Variants in DECR1 observed in about 807,000 individuals in gnomAD.
DECR1 encodes 2,4-dienoyl-CoA reductase [(3E)-enoyl-CoA-producing], mitochondrial.
In DECR1, 44 loss-of-function variants were observed where a neutral mutation model predicts 38.8. The observed-to-expected ratio is 1.13, with a 90% CI of 0.89 to 1.46. The LOEUF is 1.46. Among genes scored for constraint, DECR1 ranks in the 40% most tolerant of loss-of-function variants. The pLI, the probability that DECR1 is intolerant of heterozygous loss-of-function variation, is 0.00. For synonymous variants in DECR1, 148 were observed against 135.2 expected (o/e 1.09, Z -0.66); for missense variants, 428 against 405.5 (o/e 1.06, Z -0.48).
chr8:90,029,917 C>T (rs1813453452), intron 5 of DECR1, among the ~76,000 whole-genome samples: 2 of 152,090 alleles, frequency 1.3e-5, no homozygotes, highest in Non-Finnish European at 2.9e-5. Context: ...CTAGTCCACT[C>T]CTCACTGAAG....
chr8:90,041,666 A>T (rs1054756682), intron 6 of DECR1, among the ~76,000 whole-genome samples: 2 of 152,120 alleles, frequency 1.3e-5, no homozygotes, highest in East Asian at 3.9e-4. Context: ...CTTTATGGGT[A>T]CTGTGGATTG....
At chr8:90,051,596 A>G (rs1814095001) in intron 8 of DECR1, 81 bp from the exon 9 acceptor site, 10 of 1,088,312 alleles carry the variant, frequency 9.2e-6, no homozygotes, top group Middle Eastern at 2.9e-4. Flanking sequence ...ATTCCATCCA[A>G]TTAGTATGGG....
intron 1 of DECR1, among the ~76,000 whole-genome samples, chr8:90,004,179 C>T (rs1167088135): frequency 2.6e-5 from 4 of 151,386 alleles, no homozygotes; most frequent in Non-Finnish European, 4.4e-5. Context: ...AAAAATTAGC[C>T]GGGCGTGGTG....
At position 90,017,388 on chromosome 8, in the gene DECR1, A is replaced by G. The variant is rs1326354399; in HGVS notation, c.272+62A>G. The G allele has an allele frequency of 3.8e-6, 5 of 1,322,140 alleles. No homozygotes were observed. The East Asian group carries it at 9.4e-5, about 25-fold the overall frequency. 81.9% of individuals were successfully genotyped at this position (1,322,140 alleles called of 1,614,324 possible). A position where few individuals can be genotyped will look rare whatever the true frequency, so the allele number is the denominator to read the frequency against. On this transcript the variant is annotated intron_variant, in intron 2 of 9. Transcript: ENST00000220764. ...TGAAGAAACTGTTCTGTGCCATAGT[A>G]TTGAAAACACTGTTCGCCAGAGTTG... is the stretch of plus-strand genomic sequence containing the variant.
At chr8:90,011,582 C>T (rs112233595) in intron 1 of DECR1, among the ~76,000 whole-genome samples, 2,026 of 152,250 alleles carry the variant, frequency 0.013, 45 homozygotes, top group African/African-American at 0.046. Flanking sequence ...AGTCCATGAA[C>T]ATATAATGTC....
At chr8:90,026,417 T>C (rs931259807) in intron 5 of DECR1, among the ~76,000 whole-genome samples, 1 of 152,206 alleles carries the variant, frequency 6.6e-6, no homozygotes. Flanking sequence ...TATTGGTATA[T>C]TCAGGGATTC....
intron 5 of DECR1, among the ~76,000 whole-genome samples, chr8:90,022,544 G>T (rs779956396): frequency 6.6e-6 from 1 of 151,972 alleles, no homozygotes; most frequent in Non-Finnish European, 1.5e-5. Flanking sequence ...GAGTGGGAAG[G>T]GGGGACAGGG....
At position 90,019,117 on chromosome 8, in the gene DECR1, C is replaced by G; in HGVS notation, c.362C>G (p.Pro121Arg). ...VHAIQCDVRD[P>R]DMVQNTVSEL... ...GCAATTCAGTGTGATGTGAGGGATCCTGATATGGTTCAAAACACTGTGTCA... is the reference window on the plus strand; with the variant it reads ...GCAATTCAGTGTGATGTGAGGGATCGTGATATGGTTCAAAACACTGTGTCA... Residue 121 changes from proline (P) to arginine (R), a missense_variant, in exon 4 of 10, where the codon CCT becomes CGT. Pro to Arg is a moderately radical substitution (Grantham distance 103, BLOSUM62 -2). Coordinates refer to ENST00000220764, the MANE Select transcript of DECR1 (RefSeq NM_001359.2). 4.3e-6 allele frequency: 7 copies of G among 1,614,090 alleles called. No individual in the cohort carries two copies. Among genetic ancestry groups the G allele is most frequent in the Non-Finnish European group, 5.9e-6 (7 of 1,180,002 alleles).
At chr8:90,047,014 C>G in intron 8 of DECR1, among the ~76,000 whole-genome samples, 1 of 152,146 alleles carries the variant, frequency 6.6e-6, no homozygotes. Flanking sequence ...GCCTGCCTTA[C>G]AAGAACTCCT....
At chr8:90,005,847 T>A (rs1031260019) in intron 1 of DECR1, 7 of 304,580 alleles carry the variant, frequency 2.3e-5, no homozygotes, top group Non-Finnish European at 3.8e-5. Flanking sequence ...TGGCAGAAGG[T>A]GAAGGGGAGC....
At chr8:90,005,680 C>A in intron 1 of DECR1, 1 of 349,454 alleles carries the variant, frequency 2.9e-6, no homozygotes. Context: ...TGTCTCTGCA[C>A]AGACAGATTG....
chr8:90,036,664 G>GACAT (rs1267595829), intron 5 of DECR1, among the ~76,000 whole-genome samples, 177 bp from the exon 6 acceptor site: 1 of 152,148 alleles, frequency 6.6e-6, no homozygotes, highest in South Asian at 2.1e-4. Flanking sequence ...TTAGTAGCAA[G>GACAT]ACATATCAAT....
intron 1 of DECR1, among the ~76,000 whole-genome samples, chr8:90,009,502 GT>G (rs201664183): frequency 0.02 from 2,988 of 145,788 alleles, 58 homozygotes; most frequent in South Asian, 0.067. Context: ...TATTGTGTCT[GT>G]TTTTTTTTTT....
intron 6 of DECR1, 145 bp downstream of exon 6, chr8:90,037,085 A>G: frequency 1.6e-6 from 1 of 607,204 alleles, no homozygotes; most frequent in Non-Finnish European, 2.9e-6. Flanking sequence ...TTTATCTCCC[A>G]GATAAGTCCT....
intron 7 of DECR1, among the ~76,000 whole-genome samples, chr8:90,043,930 A>G (rs1241388730): frequency 1.3e-5 from 2 of 152,188 alleles, no homozygotes; most frequent in African/African-American, 4.8e-5. Context: ...TATTTAACCT[A>G]TATTTATTGA....
intron 4 of DECR1, among the ~76,000 whole-genome samples, chr8:90,019,651 G>T (rs1239239577): frequency 6.6e-6 from 1 of 152,302 alleles, no homozygotes; most frequent in Middle Eastern, 3.4e-3. Context: ...TAAAGAGGGG[G>T]TGCTTTCATC....
intron 1 of DECR1, chr8:90,003,028 T>C (rs570744070): frequency 1.3e-5 from 2 of 152,316 alleles, no homozygotes; most frequent in East Asian, 1.9e-4. Flanking sequence ...TAAAAATTAA[T>C]TGTAATCTGA....
intron 5 of DECR1, among the ~76,000 whole-genome samples, chr8:90,027,221 G>A (rs1233680507): frequency 1.3e-5 from 2 of 152,178 alleles, no homozygotes; most frequent in African/African-American, 2.4e-5. Context: ...GGAGAGTTCT[G>A]TTGATGTCTG....
At chr8:90,048,527 A>T (rs117047916) in intron 8 of DECR1, among the ~76,000 whole-genome samples, 6,503 of 152,276 alleles carry the variant, frequency 0.043, 284 homozygotes, top group East Asian at 0.19. Flanking sequence ...CACACTCTGA[A>T]ATTGAGGCAA....
Sources: allele counts gnomAD v4.1 joint callset (sites outside exome capture counted in the v4.1 genomes callset), GRCh38; gene constraint gnomAD v4.1.1; transcripts MANE v1.5; gene names NCBI Gene and HGNC (gene_info 2026-07-23, HGNC 2026-07-21).